ADAMTS12: variants seen among roughly 807,000 people sequenced by gnomAD.
ADAMTS12 encodes A disintegrin and metalloproteinase with thrombospondin motifs 12.
Under a neutral mutation model 167.8 loss-of-function variants are expected in ADAMTS12, and 118 were observed. That is an observed-to-expected ratio of 0.70 (90% CI 0.61 to 0.82). The LOEUF is 0.82. Among genes scored for constraint, ADAMTS12 ranks in the 40% least tolerant of loss-of-function variants. The pLI is 0.00. For missense variants in ADAMTS12, 1,916 were observed against 1,998.8 expected, an observed-to-expected ratio of 0.96 and a Z score of 0.79; for synonymous variants, 704 against 716.9, an observed-to-expected ratio of 0.98 and a Z score of 0.29.
At chr5:33,584,101 T>C (rs1220057913) in intron 18 of ADAMTS12, among the ~76,000 whole-genome samples, 1 of 152,158 alleles carries the variant, frequency 6.6e-6, no homozygotes, top group Non-Finnish European at 1.5e-5. Flanking sequence ...GGCTCCGTGG[T>C]TTAGTGGTTA....
chr5:33,739,101 C>T (rs1326578656), intron 3 of ADAMTS12, among the ~76,000 whole-genome samples: 1 of 152,176 alleles, frequency 6.6e-6, no homozygotes, highest in African/African-American at 2.4e-5. Context: ...CTCAGGCTTT[C>T]AACATGCTGC....
chr5:33,695,395 C>CAG (rs990502344), intron 3 of ADAMTS12, among the ~76,000 whole-genome samples: 200 of 151,898 alleles, frequency 1.3e-3, no homozygotes, highest in African/African-American at 4.7e-3. Context: ...TAAATAGAGA[C>CAG]AGAGAGAGAG....
chr5:33,695,861 T>G (rs1407894628), intron 3 of ADAMTS12, among the ~76,000 whole-genome samples: 1 of 152,178 alleles, frequency 6.6e-6, no homozygotes, highest in African/African-American at 2.4e-5. Flanking sequence ...AAAGGTAAAT[T>G]TTTTGTTATG....
chr5:33,846,732 C>T (rs1166557740), intron 2 of ADAMTS12, among the ~76,000 whole-genome samples: 7 of 152,128 alleles, frequency 4.6e-5, no homozygotes, highest in East Asian at 1.9e-4. Flanking sequence ...GGGTACCTAA[C>T]GAATACTTGT....
chr5:33,779,943 G>T (rs1456037152), intron 2 of ADAMTS12, among the ~76,000 whole-genome samples: 5 of 152,106 alleles, frequency 3.3e-5, no homozygotes. Flanking sequence ...TAATAATATT[G>T]TATTGTGCAT....
At chr5:33,810,899 T>C (rs574083516) in intron 2 of ADAMTS12, among the ~76,000 whole-genome samples, 1 of 152,304 alleles carries the variant, frequency 6.6e-6, no homozygotes, top group South Asian at 2.1e-4. Context: ...ATATCTAAAT[T>C]AAGTCCTGGT....
intron 17 of ADAMTS12, 143 bp from the exon 18 acceptor site, chr5:33,588,952 G>T: frequency 4.2e-6 from 4 of 962,094 alleles, no homozygotes; most frequent in African/African-American, 3.3e-5. Context: ...GGGGCGTGCT[G>T]CAGACAGGGC....
chr5:33,621,502 T>C (rs947174626), intron 14 of ADAMTS12, among the ~76,000 whole-genome samples: 1 of 152,074 alleles, frequency 6.6e-6, no homozygotes, highest in Admixed American at 6.5e-5. Context: ...ACATTATTGA[T>C]GCTAACACAC....
chr5:33,686,085 TG>T (rs1036974478), intron 3 of ADAMTS12, among the ~76,000 whole-genome samples: 8 of 152,274 alleles, frequency 5.3e-5, no homozygotes, highest in African/African-American at 1.9e-4. Context: ...TTTTGCTGGG[TG>T]GGGACAGGTC....
intron 2 of ADAMTS12, among the ~76,000 whole-genome samples, chr5:33,839,553 C>G (rs11957037): frequency 2.1e-3 from 319 of 152,284 alleles, no homozygotes; most frequent in African/African-American, 7.2e-3. Flanking sequence ...GGCTCCAACT[C>G]TGGAAGGGAA....
chr5:33,750,374 G>T, intron 3 of ADAMTS12, among the ~76,000 whole-genome samples: 1 of 152,190 alleles, frequency 6.6e-6, no homozygotes, highest in East Asian at 1.9e-4. Flanking sequence ...TCCCAGGGAA[G>T]TTGCTATCTG....
chr5:33,596,133 G>A, intron 16 of ADAMTS12, 73 bp from the exon 17 acceptor site: 3 of 1,562,804 alleles, frequency 1.9e-6, no homozygotes, highest in South Asian at 1.2e-5. Context: ...TGAGGTACCT[G>A]ACCACGTCAA....
intron 3 of ADAMTS12, among the ~76,000 whole-genome samples, chr5:33,728,855 T>C: frequency 6.6e-6 from 1 of 152,254 alleles, no homozygotes; most frequent in African/African-American, 2.4e-5. Context: ...ATCTCATTTA[T>C]AAAGTATATT....
rs191518252 is a variant in ADAMTS12 at position 33,877,181 on chromosome 5, C to T, written c.489+3938G>A. Among the ~76,000 whole-genome samples, 366 of 152,264 alleles carry T rather than the reference C, an allele frequency of 2.4e-3. 2 individuals carry two copies. The highest frequency in any genetic ancestry group is 8.5e-3 in the African/African-American group (352 of 41,558). ...TTGATAGAGTCAAAAACTGTATTCA[C>T]TTTAGTAAAGCCTGAGCTAAGAAAT... On this transcript the variant is annotated intron_variant, in intron 2 of 23. Transcript: ENST00000504830.
chr5:33,634,274 G>T (rs979043123), intron 12 of ADAMTS12, among the ~76,000 whole-genome samples: 1 of 152,126 alleles, frequency 6.6e-6, no homozygotes, highest in African/African-American at 2.4e-5. Flanking sequence ...GTGGGCATTA[G>T]ACCGGTGCTT....
intron 13 of ADAMTS12, among the ~76,000 whole-genome samples, chr5:33,627,825 G>A (rs908510192): frequency 6.6e-6 from 1 of 152,178 alleles, no homozygotes; most frequent in Admixed American, 6.5e-5. Flanking sequence ...AAATGGCCTT[G>A]GAGATGAAAG....
chr5:33,838,865 A>G (rs1392781694), intron 2 of ADAMTS12, among the ~76,000 whole-genome samples: 1 of 152,130 alleles, frequency 6.6e-6, no homozygotes, highest in Non-Finnish European at 1.5e-5. Context: ...TTCCAAAGAG[A>G]AAGTGTACCT....
intron 2 of ADAMTS12, among the ~76,000 whole-genome samples, chr5:33,847,700 T>C (rs896255472): frequency 2.6e-5 from 4 of 151,724 alleles, no homozygotes; most frequent in African/African-American, 9.7e-5. Flanking sequence ...ACCCAAATGA[T>C]CAAGTATAGG....
At chr5:33,648,304 A>T (rs2112189285) in intron 9 of ADAMTS12, among the ~76,000 whole-genome samples, 1 of 152,368 alleles carries the variant, frequency 6.6e-6, no homozygotes, top group East Asian at 1.9e-4. Flanking sequence ...AGGAAAGATG[A>T]TGAGAGACTG....
Sources: allele counts gnomAD v4.1 joint callset (sites outside exome capture counted in the v4.1 genomes callset), GRCh38; gene constraint gnomAD v4.1.1; transcripts MANE v1.5; gene names NCBI Gene and HGNC (gene_info 2026-07-23, HGNC 2026-07-21).